MEIS1: variants seen among roughly 807,000 people sequenced by gnomAD.
MEIS1 encodes the protein homeobox protein Meis1.
MEIS1 carries 5 observed loss-of-function variants against 50.8 expected under a neutral mutation model. The ratio of observed to expected loss-of-function variants is 0.10; its 90% CI spans 0.05 to 0.21. MEIS1 has a LOEUF of 0.21. Ranked by LOEUF, MEIS1 falls within the 10% of genes least tolerant of loss-of-function variation. The pLI is 1.00. For synonymous variants in MEIS1, 176 were observed against 179.3 expected, an observed-to-expected ratio of 0.98 and a Z score of 0.15; for missense variants, 318 against 517.3, an observed-to-expected ratio of 0.61 and a Z score of 3.74.
chr2:66,530,973 A>T (rs1471328865), intron 8 of MEIS1, among the ~76,000 whole-genome samples: 4 of 152,090 alleles, frequency 2.6e-5, no homozygotes, highest in African/African-American at 9.7e-5. Flanking sequence ...GCTAAGATAA[A>T]TTTTTTTTCT....
chr2:66,512,445 T>C (rs1673853117), intron 8 of MEIS1, among the ~76,000 whole-genome samples, 151 bp downstream of exon 8: 1 of 152,236 alleles, frequency 6.6e-6, no homozygotes, highest in South Asian at 2.1e-4. Flanking sequence ...TTAGCACTTA[T>C]TTCTTAGATA....
At chr2:66,474,877 G>A (rs1010485894) in intron 7 of MEIS1, among the ~76,000 whole-genome samples, 44 of 152,208 alleles carry the variant, frequency 2.9e-4, no homozygotes, top group African/African-American at 1.0e-3. Flanking sequence ...AGGAGAATAT[G>A]ACCTTACGTA....
chr2:66,490,581 TAGGG>T lies in MEIS1; in HGVS notation c.743-21565_743-21562del, dbSNP rs1673247715. 9.2e-5 allele frequency among the ~76,000 whole-genome samples: 14 copies of T among 152,322 alleles called. 2 individuals are homozygous for T. The South Asian group carries it at 2.9e-3, about 32-fold the overall frequency. On this transcript the variant is annotated intron_variant, in intron 7 of 12. Transcript: ENST00000272369. ...TGTAAGTGTCAAAGGGAAAGGGTGA[TAGGG>T]AGACCTTTCTTTTTTTCTTTCTTTC...
At chr2:66,516,045 T>C (rs1446407607) in intron 8 of MEIS1, among the ~76,000 whole-genome samples, 1 of 152,212 alleles carries the variant, frequency 6.6e-6, no homozygotes, top group Non-Finnish European at 1.5e-5. Flanking sequence ...TGCTGCATAG[T>C]ATTACAAAGA....
chr2:66,442,472 A>G (rs1672013939), intron 5 of MEIS1, among the ~76,000 whole-genome samples: 1 of 152,136 alleles, frequency 6.6e-6, no homozygotes, highest in South Asian at 2.1e-4. Flanking sequence ...CTATGCCACC[A>G]CAGTACAGGT....
rs114033747 is a variant in MEIS1 at position 66,521,972 on chromosome 2, C to A, written c.888+9678C>A. On this transcript the variant is annotated intron_variant, in intron 8 of 12. Transcript: ENST00000272369. ...GTTCACTCCCTCTAGTAATGTCACC[C>A]ATCGTACAATATTTTTCTTCCACCC... Among the ~76,000 whole-genome samples the A allele has an allele frequency of 9.3e-3, 1,414 of 152,312 alleles. 11 individuals carry two copies. Among genetic ancestry groups the A allele is most frequent in the Non-Finnish European group, 0.016 (1,088 of 68,030 alleles).
intron 6 of MEIS1, among the ~76,000 whole-genome samples, chr2:66,449,936 T>C (rs1433185717): frequency 1.3e-5 from 2 of 152,190 alleles, no homozygotes; most frequent in African/African-American, 4.8e-5. Context: ...AAAGGGCTTA[T>C]TTATACACAT....
intron 8 of MEIS1, among the ~76,000 whole-genome samples, chr2:66,532,783 G>A (rs533426775): frequency 2.0e-5 from 3 of 152,294 alleles, no homozygotes; most frequent in Admixed American, 6.5e-5. Context: ...ATCTTAGCAG[G>A]TTTGATGTGA....
At chr2:66,478,275 T>C (rs938800076) in intron 7 of MEIS1, among the ~76,000 whole-genome samples, 4 of 152,230 alleles carry the variant, frequency 2.6e-5, no homozygotes, top group Non-Finnish European at 4.4e-5. Context: ...TAGCGAGAAG[T>C]GGAAGCATTG....
chr2:66,505,083 A>G (rs1031985208), intron 7 of MEIS1, among the ~76,000 whole-genome samples: 3 of 152,208 alleles, frequency 2.0e-5, no homozygotes, highest in Non-Finnish European at 4.4e-5. Flanking sequence ...TCATATACAT[A>G]TGAAGTATAG....
intron 3 of MEIS1, 134 bp downstream of exon 3, chr2:66,440,118 C>T: frequency 1.2e-6 from 1 of 841,378 alleles, no homozygotes; most frequent in Non-Finnish European, 1.7e-6. Flanking sequence ...GTAGCCAGCA[C>T]GTAGTCGGCC....
chr2:66,476,219 A>G (rs932127827), intron 7 of MEIS1, among the ~76,000 whole-genome samples: 2 of 152,166 alleles, frequency 1.3e-5, no homozygotes, highest in African/African-American at 4.8e-5. Flanking sequence ...CTTAAAAATG[A>G]AAGTTCTGAG....
intron 11 of MEIS1, 105 bp downstream of exon 11, chr2:66,568,861 G>C: frequency 8.3e-7 from 1 of 1,201,944 alleles, no homozygotes. Flanking sequence ...ATCTCAAGCT[G>C]GCTGCCTTGC....
chr2:66,569,053 C>G lies in MEIS1; in HGVS notation c.1118C>G (p.Pro373Arg). The G allele has an allele frequency of 6.2e-7, 1 of 1,613,584 alleles. No individual in the cohort carries two copies. Among genetic ancestry groups the G allele is most frequent in the Non-Finnish European group, 8.5e-7 (1 of 1,179,642 alleles). The change falls in exon 12 of 13, where the codon CCT becomes CGT. Residue 373 changes from proline to arginine, a missense_variant. Physicochemically the swap from Pro to Arg is moderately radical, Grantham distance 103 (BLOSUM62 -2). Transcript: ENST00000272369. Reference sequence around the variant, plus strand: ...TGGATTTTTATCTCCCTTCTAGGACCTATGAGTGGAATGGGCATGAATATG... The same window carrying G: ...TGGATTTTTATCTCCCTTCTAGGACGTATGAGTGGAATGGGCATGAATATG... ...QQHMGIRAPG[P>R]MSGMGMNMGM...
chr2:66,455,515 C>G (rs1672368016), intron 6 of MEIS1, among the ~76,000 whole-genome samples: 1 of 152,154 alleles, frequency 6.6e-6, no homozygotes, highest in Non-Finnish European at 1.5e-5. Flanking sequence ...ATAGTTGATT[C>G]ACTTGTAATT....
intron 6 of MEIS1, among the ~76,000 whole-genome samples, chr2:66,455,161 T>C (rs980128795): frequency 6.6e-6 from 1 of 152,196 alleles, no homozygotes; most frequent in Non-Finnish European, 1.5e-5. Flanking sequence ...GGCTTTATCT[T>C]CTCTCTTCTT....
chr2:66,497,871 A>G (rs775752492), intron 7 of MEIS1, among the ~76,000 whole-genome samples: 15 of 152,188 alleles, frequency 9.9e-5, no homozygotes, highest in South Asian at 2.1e-4. Flanking sequence ...ATGTATCCTC[A>G]TCCACCAATT....
rs189623696 is a variant in MEIS1 at position 66,435,624 on chromosome 2, C to T, written c.-233C>T. On this transcript the variant is annotated 5_prime_UTR_variant, in exon 1 of 13. Transcript: ENST00000272369. ...TGCTTTTTTTTGCCCCCGCTGCTGT[C>T]TTGGAAACGGAGCGCTTTTATGCTC... 5 of 402,484 alleles carry T rather than the reference C, an allele frequency of 1.2e-5. No individual in the cohort carries two copies. Among genetic ancestry groups the T allele is most frequent in the East Asian group, 1.1e-4 (3 of 27,772 alleles). 24.9% of individuals were successfully genotyped at this position (402,484 alleles called of 1,614,324 possible). A position where few individuals can be genotyped will look rare whatever the true frequency, so the allele number is the denominator to read the frequency against.
intron 7 of MEIS1, among the ~76,000 whole-genome samples, chr2:66,467,404 C>G (rs2103751995): frequency 6.6e-6 from 1 of 152,196 alleles, no homozygotes; most frequent in Admixed American, 6.5e-5. Flanking sequence ...CAAGACCAGC[C>G]TGGCCCACAT....
Sources: allele counts gnomAD v4.1 joint callset (sites outside exome capture counted in the v4.1 genomes callset), GRCh38; gene constraint gnomAD v4.1.1; transcripts MANE v1.5; gene names NCBI Gene and HGNC (gene_info 2026-07-23, HGNC 2026-07-21).